The following EML4 variants were observed in gnomAD, a reference collection of about 807,000 sequenced individuals.
The protein encoded by EML4 is EMAP like 4.
Under a neutral mutation model 129.0 loss-of-function variants are expected in EML4, and 72 were observed. That is an observed-to-expected ratio of 0.56 (90% CI 0.46 to 0.68). The LOEUF (loss-of-function observed/expected upper bound fraction) is 0.68, where lower values mean the gene tolerates loss of function less well. Among genes scored for constraint, EML4 ranks in the 30% least tolerant of loss-of-function variants. The pLI is 0.00. For missense variants in EML4, 1,363 were observed against 1,190.6 expected, an observed-to-expected ratio of 1.14 and a Z score of -2.13; for synonymous variants, 532 against 405.0, an observed-to-expected ratio of 1.31 and a Z score of -3.77.
chr2:42,266,908 T>C (rs1666094791), intron 6 of EML4, among the ~76,000 whole-genome samples: 1 of 152,150 alleles, frequency 6.6e-6, no homozygotes, highest in South Asian at 2.1e-4. Flanking sequence ...TAGGGAACAT[T>C]TGAGGAGAAG....
At chr2:42,290,407 GA>G (rs1006472206) in intron 11 of EML4, among the ~76,000 whole-genome samples, 7 of 151,590 alleles carry the variant, frequency 4.6e-5, no homozygotes, top group Non-Finnish European at 8.8e-5. Flanking sequence ...GACCTCTCAT[GA>G]AAAAAAATAA....
intron 18 of EML4, among the ~76,000 whole-genome samples, 182 bp from the exon 19 acceptor site, chr2:42,317,245 G>T (rs1669291240): frequency 6.6e-6 from 1 of 152,084 alleles, no homozygotes; most frequent in African/African-American, 2.4e-5. Context: ...CTCCAAGAAG[G>T]GATTGTGTAT....
intron 1 of EML4, among the ~76,000 whole-genome samples, chr2:42,235,202 A>G (rs1429144645): frequency 6.6e-6 from 1 of 151,946 alleles, no homozygotes; most frequent in Non-Finnish European, 1.5e-5. Flanking sequence ...AGGCTAATGC[A>G]GGAGAATCGC....
chr2:42,235,320 C>T (rs1438763547), intron 1 of EML4, among the ~76,000 whole-genome samples: 1 of 150,920 alleles, frequency 6.6e-6, no homozygotes, highest in African/African-American at 2.4e-5. Context: ...AGTAGCAGAG[C>T]ATGGTGGCGT....
At chr2:42,291,203 A>AC (rs1308522939) in intron 11 of EML4, among the ~76,000 whole-genome samples, 1 of 152,018 alleles carries the variant, frequency 6.6e-6, no homozygotes, top group East Asian at 1.9e-4. Context: ...AATTACCTTG[A>AC]CCCCTCCCTC....
At chr2:42,272,026 C>T (rs868493143) in intron 6 of EML4, among the ~76,000 whole-genome samples, 2 of 151,322 alleles carry the variant, frequency 1.3e-5, no homozygotes, top group African/African-American at 4.9e-5. Context: ...TCGCTTGAAC[C>T]CGGGAGGCGG....
chr2:42,326,409 C>G (rs558524481), intron 21 of EML4, among the ~76,000 whole-genome samples, 157 bp downstream of exon 21: 1 of 152,220 alleles, frequency 6.6e-6, no homozygotes, highest in South Asian at 2.1e-4. Context: ...TAGGATTGAA[C>G]CAACATGGGA....
chr2:42,290,290 T>A (rs1444901918), intron 11 of EML4, among the ~76,000 whole-genome samples: 1 of 152,110 alleles, frequency 6.6e-6, no homozygotes, highest in African/African-American at 2.4e-5. Context: ...ATGAGCTCCA[T>A]CCTTGCTTAA....
chr2:42,263,854 C>G (rs962161836), intron 5 of EML4, among the ~76,000 whole-genome samples: 7 of 152,084 alleles, frequency 4.6e-5, no homozygotes, highest in Non-Finnish European at 1.0e-4. Flanking sequence ...CTTAGCCTCC[C>G]GAGTAGCTGG....
At chr2:42,316,665 C>T (rs1669259821) in intron 18 of EML4, among the ~76,000 whole-genome samples, 1 of 152,144 alleles carries the variant, frequency 6.6e-6, no homozygotes, top group African/African-American at 2.4e-5. Flanking sequence ...TGATTCACAC[C>T]ACTCTTCCCT....
intron 13 of EML4, among the ~76,000 whole-genome samples, chr2:42,299,214 C>G (rs1668134462): frequency 6.6e-6 from 1 of 152,180 alleles, no homozygotes; most frequent in African/African-American, 2.4e-5. Flanking sequence ...TCCTGTCTCC[C>G]TGCCATATAT....
intron 1 of EML4, among the ~76,000 whole-genome samples, chr2:42,194,315 T>C (rs1456816889): frequency 6.6e-6 from 1 of 150,420 alleles, no homozygotes; most frequent in African/African-American, 2.4e-5. Flanking sequence ...TGAATCCTAA[T>C]CCAGATCTGT....
At chr2:42,204,348 C>CT (rs1311309337) in intron 1 of EML4, among the ~76,000 whole-genome samples, 2 of 152,182 alleles carry the variant, frequency 1.3e-5, no homozygotes, top group Admixed American at 6.5e-5. Flanking sequence ...GTACCTACAG[C>CT]TTAATCTCTT....
chr2:42,192,479 A>G (rs1671653624), intron 1 of EML4, among the ~76,000 whole-genome samples: 1 of 152,030 alleles, frequency 6.6e-6, no homozygotes, highest in African/African-American at 2.4e-5. Context: ...ACCTCAAGTG[A>G]TCCACCTGCC....
intron 9 of EML4, among the ~76,000 whole-genome samples, chr2:42,285,765 A>AT (rs1393767332): frequency 6.6e-6 from 1 of 151,836 alleles, no homozygotes. Flanking sequence ...TGCCTGGCTA[A>AT]TTTTTTATAT....
At chr2:42,309,973 T>A (rs981634807) in intron 17 of EML4, among the ~76,000 whole-genome samples, 1 of 152,256 alleles carries the variant, frequency 6.6e-6, no homozygotes, top group African/African-American at 2.4e-5. Flanking sequence ...AGCTCTTACC[T>A]TTAGGTCTCC....
chr2:42,283,879 A>C (rs1260824095), intron 8 of EML4, among the ~76,000 whole-genome samples: 1 of 152,234 alleles, frequency 6.6e-6, no homozygotes, highest in Non-Finnish European at 1.5e-5. Flanking sequence ...TTTATGTATT[A>C]ATATGTAAAT....
intron 6 of EML4, among the ~76,000 whole-genome samples, chr2:42,280,244 C>G (rs1319898304): frequency 6.6e-6 from 1 of 152,198 alleles, no homozygotes; most frequent in Non-Finnish European, 1.5e-5. Flanking sequence ...CCTTCCTGGA[C>G]TTCTTGTAGA....
At chr2:42,210,354 G>A (rs1450110003) in intron 1 of EML4, among the ~76,000 whole-genome samples, 2 of 152,094 alleles carry the variant, frequency 1.3e-5, no homozygotes, top group Non-Finnish European at 2.9e-5. Context: ...GATGTTTTGG[G>A]GAGGAAGACC....
Sources: gnomAD v4.1 joint callset for allele counts (sites outside exome capture counted in the v4.1 genomes callset) on GRCh38, gnomAD v4.1.1 for gene constraint, MANE v1.5 for transcripts, NCBI Gene and HGNC (gene_info 2026-07-23, HGNC 2026-07-21) for gene names.